ZNF385C: variants seen among roughly 807,000 people sequenced by gnomAD.
ZNF385C encodes the protein CTD-2132N18.2.
A neutral mutation model predicts 35.4 loss-of-function variants in ZNF385C; 28 were observed. The observed-to-expected ratio is 0.79, with a 90% CI of 0.59 to 1.08. ZNF385C has a LOEUF of 1.08. Among genes scored for constraint, ZNF385C ranks in the 50% least tolerant of loss-of-function variants. The pLI is 0.00. For synonymous variants in ZNF385C, 248 were observed against 248.2 expected, an observed-to-expected ratio of 1.00 and a Z score of 0.01; for missense variants, 605 against 595.6, an observed-to-expected ratio of 1.02 and a Z score of -0.16.
chr17:42,037,783 T>A lies in ZNF385C; in HGVS notation c.353A>T (p.His118Leu). ...ACTGAGCGGGGCAGCGCCATTGAAG[T>A]GGAAGGCGAGCAAGTGCTTGAAGTC... is the stretch of plus-strand genomic sequence containing the variant. The part of the protein sequence containing the change: ...PLDFKHLLAF[H>L]FNGAAPLSLF... The change falls in exon 3 of 9, where the codon CAC becomes CTC. Residue 118 changes from histidine to leucine, a missense_variant. His to Leu is a moderately conservative substitution (Grantham distance 99, BLOSUM62 -3). Transcript: ENST00000692273. 1 of 1,535,248 alleles carries A rather than the reference T, an allele frequency of 6.5e-7. No homozygotes were observed.
At chr17:42,034,587 C>A (rs1555655241) in intron 3 of ZNF385C, among the ~76,000 whole-genome samples, 1 of 149,972 alleles carries the variant, frequency 6.7e-6, no homozygotes, top group Admixed American at 6.8e-5. Context: ...CAAGACCAGC[C>A]TGACCAACAT....
chr17:42,043,513 G>T, intron 2 of ZNF385C: 1 of 635,128 alleles, frequency 1.6e-6, no homozygotes, highest in Non-Finnish European at 2.3e-6. Context: ...AGGCTAACAG[G>T]GCCCATCCAT....
At chr17:42,042,221 C>A (rs4239269) in intron 2 of ZNF385C, among the ~76,000 whole-genome samples, 117,997 of 151,864 alleles carry the variant, frequency 0.78, 46,599 homozygotes, top group South Asian at 0.86. Context: ...TTAAAAAAAA[C>A]CAAAAAACAA....
rs1467728222 is a variant in ZNF385C at position 42,027,271 on chromosome 17, A to T, written c.1276-138T>A. ...CAAACCTAAATCCTCCTCCCTTCCCACCCCCAAACATTCATTCCGAAGGGC... is the reference window on the plus strand; with the variant it reads ...CAAACCTAAATCCTCCTCCCTTCCCTCCCCCAAACATTCATTCCGAAGGGC... On this transcript the variant is annotated intron_variant, in intron 8 of 8. Transcript: ENST00000692273. 5 of 728,736 alleles carry T rather than the reference A, an allele frequency of 6.9e-6. No individual in the cohort carries two copies. The African/African-American group carries it at 1.1e-4, about 16-fold the overall frequency. 45.1% of individuals were successfully genotyped at this position (728,736 alleles called of 1,614,324 possible).
At chr17:42,063,483 G>C (rs782479482) in intron 1 of ZNF385C, among the ~76,000 whole-genome samples, 1 of 152,158 alleles carries the variant, frequency 6.6e-6, no homozygotes, top group Admixed American at 6.5e-5. Flanking sequence ...AGCCAAGATC[G>C]GGTGTCATTG....
intron 1 of ZNF385C, among the ~76,000 whole-genome samples, chr17:42,092,429 T>C (rs1384634239): frequency 6.6e-6 from 1 of 152,050 alleles, no homozygotes; most frequent in Non-Finnish European, 1.5e-5. Context: ...TTTTGATCTC[T>C]GCAGGTGCTC....
At chr17:42,054,202 A>G (rs542834763) in intron 2 of ZNF385C, among the ~76,000 whole-genome samples, 14 of 152,318 alleles carry the variant, frequency 9.2e-5, no homozygotes, top group African/African-American at 3.4e-4. Flanking sequence ...GGGGCCTCTT[A>G]CACTGAAGTG....
intron 2 of ZNF385C, among the ~76,000 whole-genome samples, chr17:42,053,672 G>A (rs1555657318): frequency 6.6e-6 from 1 of 152,126 alleles, no homozygotes. Flanking sequence ...TCCCTGCCCA[G>A]CTCTGCACCT....
chr17:42,026,831 G>A lies in ZNF385C; in HGVS notation c.*66C>T. The A allele has an allele frequency of 7.0e-7, 1 of 1,437,684 alleles. No homozygotes were observed. The highest frequency in any genetic ancestry group is 1.2e-5 in the South Asian group (1 of 81,708). 89.1% of individuals were successfully genotyped at this position (1,437,684 alleles called of 1,614,324 possible). On this transcript the variant is annotated 3_prime_UTR_variant, in exon 9 of 9. Coordinates refer to ENST00000692273, the MANE Select transcript of ZNF385C (RefSeq NM_001392013.1). ...TCCCTGTGGCATGTAGGAAACCAAG[G>A]TGTCTCAGGACAGGAGGAGACAAGG... is the stretch of plus-strand genomic sequence containing the variant.
intron 2 of ZNF385C, chr17:42,042,927 G>A: frequency 8.1e-7 from 1 of 1,232,540 alleles, no homozygotes; most frequent in Non-Finnish European, 1.0e-6. Context: ...GCTCGAGCAG[G>A]GCAGAGCAGC....
chr17:42,088,888 C>T (rs1218537904), intron 1 of ZNF385C, among the ~76,000 whole-genome samples: 7 of 151,960 alleles, frequency 4.6e-5, no homozygotes, highest in South Asian at 2.1e-4. Flanking sequence ...TGCAGTGGTG[C>T]GATCACAGCT....
chr17:42,051,193 G>A (rs1372252752), intron 2 of ZNF385C, among the ~76,000 whole-genome samples: 1 of 151,868 alleles, frequency 6.6e-6, no homozygotes, highest in Non-Finnish European at 1.5e-5. Context: ...GAATGCTGGG[G>A]ATTTTGACCT....
chr17:42,085,609 T>C (rs1276563191), intron 1 of ZNF385C, among the ~76,000 whole-genome samples: 2 of 149,878 alleles, frequency 1.3e-5, no homozygotes, highest in East Asian at 3.9e-4. Context: ...TTTTTTTTTT[T>C]TTTTTTGAGA....
Position 42,028,171 on chromosome 17 carries a change from C to T in ZNF385C, c.1043G>A (p.Gly348Glu), listed in dbSNP as rs782788025. The T allele has an allele frequency of 2.5e-6, 4 of 1,603,282 alleles. No individual in the cohort carries two copies. Among genetic ancestry groups the T allele is most frequent in the South Asian group, 1.1e-5 (1 of 90,350 alleles). Reference sequence around the variant, plus strand: ...TCTCTTGGCTTTGTGTCCGGCACCTCCCCTGGACACCGGGCGGCCCCGGCT... The same window carrying T: ...TCTCTTGGCTTTGTGTCCGGCACCTTCCCTGGACACCGGGCGGCCCCGGCT... ...RRSRGRPVSR[G>E]GAGHKAKRVT... The change falls in exon 7 of 9, where the codon GGA becomes GAA. Residue 348 changes from glycine to glutamate, a missense_variant. Physicochemically the swap from Gly to Glu is moderately conservative, Grantham distance 98. Transcript: ENST00000692273.
intron 7 of ZNF385C, 135 bp from the exon 8 acceptor site, chr17:42,027,863 G>T: frequency 1.6e-6 from 2 of 1,215,800 alleles, no homozygotes; most frequent in Non-Finnish European, 2.4e-6. Flanking sequence ...TCACCCTGGG[G>T]TAGGCCCTGG....
At chr17:42,073,593 G>C (rs1168748684) in intron 1 of ZNF385C, among the ~76,000 whole-genome samples, 1 of 152,138 alleles carries the variant, frequency 6.6e-6, no homozygotes, top group Non-Finnish European at 1.5e-5. Flanking sequence ...GTGTGGCTGA[G>C]AGTCCTTTCT....
intron 6 of ZNF385C, 154 bp downstream of exon 6, chr17:42,028,629 G>T: frequency 1.1e-6 from 1 of 949,754 alleles, no homozygotes; most frequent in Non-Finnish European, 1.5e-6. Context: ...GTAATGGGAG[G>T]ACCCAGAAAC....
chr17:42,066,930 G>A (rs547118916), intron 1 of ZNF385C, among the ~76,000 whole-genome samples: 2 of 152,158 alleles, frequency 1.3e-5, no homozygotes, highest in South Asian at 2.1e-4. Flanking sequence ...TTAGCCAGGC[G>A]CGGTGGTGGG....
chr17:42,027,554 G>GGCCCCCCCCCCCC, intron 8 of ZNF385C, 64 bp downstream of exon 8: 14 of 556,880 alleles, frequency 2.5e-5, no homozygotes, highest in East Asian at 3.4e-5. Flanking sequence ...CCCCCATCTG[G>GGCCCCCCCCCCCC]CCCTCCCAGC....
Sources: allele counts gnomAD v4.1 joint callset (sites outside exome capture counted in the v4.1 genomes callset), GRCh38; gene constraint gnomAD v4.1.1; transcripts MANE v1.5; gene names NCBI Gene and HGNC (gene_info 2026-07-23, HGNC 2026-07-21).